CHSY3: variants seen among roughly 807,000 people sequenced by gnomAD.
CHSY3 encodes N-acetylgalactosaminyl-proteoglycan 3-beta-glucuronosyltransferase 3.
A neutral mutation model predicts 67.2 loss-of-function variants in CHSY3; 35 were observed. The ratio of observed to expected loss-of-function variants is 0.52; its 90% confidence interval spans 0.40 to 0.69. CHSY3 has a LOEUF of 0.69. CHSY3 is among the 30% of genes least tolerant of loss of function. The pLI is 0.00. For synonymous variants in CHSY3, 474 were observed against 434.7 expected, an observed-to-expected ratio of 1.09 and a Z score of -1.12; for missense variants, 1,069 against 1,138.5, an observed-to-expected ratio of 0.94 and a Z score of 0.88.
chr5:129,947,004 G>T (rs936156245), intron 2 of CHSY3, among the ~76,000 whole-genome samples: 1 of 152,112 alleles, frequency 6.6e-6, no homozygotes, highest in Non-Finnish European at 1.5e-5. Flanking sequence ...TCCTATATTA[G>T]TCCGTTCTCA....
intron 2 of CHSY3, among the ~76,000 whole-genome samples, chr5:129,988,091 G>C (rs1462450158): frequency 1.3e-5 from 2 of 152,098 alleles, no homozygotes; most frequent in Non-Finnish European, 2.9e-5. Flanking sequence ...AGACATAAAA[G>C]GACATTTGCT....
intron 2 of CHSY3, among the ~76,000 whole-genome samples, chr5:130,131,827 G>C (rs978824577): frequency 6.6e-6 from 1 of 152,148 alleles, no homozygotes; most frequent in Non-Finnish European, 1.5e-5. Flanking sequence ...CCCAGAGCCT[G>C]GAACAATGTG....
intron 2 of CHSY3, among the ~76,000 whole-genome samples, chr5:129,920,468 GCTC>G (rs1272939470): frequency 1.3e-5 from 2 of 152,100 alleles, no homozygotes; most frequent in African/African-American, 2.4e-5. Context: ...CTGGTCTTGA[GCTC>G]CTGATCTCGT....
At chr5:130,001,782 A>G (rs1763734100) in intron 2 of CHSY3, 3 of 822,752 alleles carry the variant, frequency 3.6e-6, no homozygotes, top group Non-Finnish European at 4.4e-6. Context: ...CCTCGCTGAT[A>G]GTTTCCTGTA....
chr5:129,918,817 A>AG (rs1002179545), intron 2 of CHSY3, among the ~76,000 whole-genome samples: 1 of 151,396 alleles, frequency 6.6e-6, no homozygotes, highest in Admixed American at 6.6e-5. Flanking sequence ...TTAAAAAAAA[A>AG]AAAAAATTGG....
intron 2 of CHSY3, among the ~76,000 whole-genome samples, chr5:129,940,149 T>A (rs1173977262): frequency 6.6e-6 from 1 of 152,144 alleles, no homozygotes; most frequent in Non-Finnish European, 1.5e-5. Flanking sequence ...ATTGCCTACA[T>A]ACACCATGCA....
intron 2 of CHSY3, chr5:130,001,508 A>C (rs1311393626): frequency 1.0e-6 from 1 of 963,088 alleles, no homozygotes; most frequent in Non-Finnish European, 1.2e-6. Flanking sequence ...GATCTAGTGA[A>C]GGGCCTGGGA....
chr5:130,078,100 T>A (rs1220465938), intron 2 of CHSY3, among the ~76,000 whole-genome samples: 2 of 152,034 alleles, frequency 1.3e-5, no homozygotes, highest in Non-Finnish European at 2.9e-5. Flanking sequence ...TTAAAATAAC[T>A]CATGCAAGGT....
chr5:130,147,734 T>A (rs1384020245), intron 2 of CHSY3, among the ~76,000 whole-genome samples: 1 of 152,186 alleles, frequency 6.6e-6, no homozygotes. Context: ...AGTTTGCATG[T>A]CACATGGAAA....
intron 2 of CHSY3, among the ~76,000 whole-genome samples, chr5:129,924,113 C>A (rs1323113938): frequency 4.6e-5 from 7 of 151,928 alleles, no homozygotes; most frequent in Admixed American, 4.6e-4. Context: ...TGAACTAAAT[C>A]ACTAATATAA....
At chr5:130,039,708 G>T (rs1213831895) in intron 2 of CHSY3, among the ~76,000 whole-genome samples, 1 of 151,956 alleles carries the variant, frequency 6.6e-6, no homozygotes, top group African/African-American at 2.4e-5. Flanking sequence ...AAACTCCTAG[G>T]CTCAAGTGAT....
chr5:130,149,164 C>T (rs1769160259), intron 2 of CHSY3, among the ~76,000 whole-genome samples: 1 of 152,140 alleles, frequency 6.6e-6, no homozygotes, highest in Non-Finnish European at 1.5e-5. Flanking sequence ...TACCCAATTG[C>T]AAAGTTGCTT....
chr5:130,180,515 G>T (rs1204722572), intron 2 of CHSY3, among the ~76,000 whole-genome samples: 2 of 151,896 alleles, frequency 1.3e-5, no homozygotes, highest in African/African-American at 2.4e-5. Flanking sequence ...ATCAACTCCT[G>T]TTTTGTTTTT....
At chr5:130,024,012 T>TA (rs1764467715) in intron 2 of CHSY3, among the ~76,000 whole-genome samples, 1 of 151,954 alleles carries the variant, frequency 6.6e-6, no homozygotes, top group South Asian at 2.1e-4. Context: ...TAGCAACTCT[T>TA]AAAGTTTTTA....
intron 2 of CHSY3, among the ~76,000 whole-genome samples, chr5:130,160,218 G>A (rs751765331): frequency 6.6e-5 from 10 of 152,094 alleles, no homozygotes; most frequent in Non-Finnish European, 1.0e-4. Context: ...TCAACCAAGC[G>A]GAGTTAAATT....
At chr5:129,933,298 G>A (rs949785126) in intron 2 of CHSY3, among the ~76,000 whole-genome samples, 1 of 152,132 alleles carries the variant, frequency 6.6e-6, no homozygotes, top group East Asian at 1.9e-4. Flanking sequence ...GGCCATTTCT[G>A]TCAGCTTGAG....
intron 2 of CHSY3, among the ~76,000 whole-genome samples, chr5:130,024,224 G>A (rs1561502316): frequency 6.6e-6 from 1 of 151,218 alleles, no homozygotes; most frequent in Non-Finnish European, 1.5e-5. Context: ...CCCCCAGGGA[G>A]AATCTAAATT....
chr5:129,949,103 T>C (rs1322568774), intron 2 of CHSY3, among the ~76,000 whole-genome samples: 1 of 152,206 alleles, frequency 6.6e-6, no homozygotes, highest in Non-Finnish European at 1.5e-5. Context: ...CAGTCACATG[T>C]ATATATGCAG....
At chr5:130,070,699 A>G (rs998420600) in intron 2 of CHSY3, among the ~76,000 whole-genome samples, 10 of 152,132 alleles carry the variant, frequency 6.6e-5, no homozygotes, top group African/African-American at 2.4e-4. Context: ...TTACAGTCAT[A>G]TAAAAATAAA....
Sources: gnomAD v4.1 joint callset for allele counts (sites outside exome capture counted in the v4.1 genomes callset) on GRCh38, gnomAD v4.1.1 for gene constraint, MANE v1.5 for transcripts, NCBI Gene and HGNC (gene_info 2026-07-23, HGNC 2026-07-21) for gene names.